The following CDH13 variants were observed in gnomAD, a reference collection of about 807,000 sequenced individuals.
The protein encoded by CDH13 is cadherin 13.
In CDH13, 24 loss-of-function variants were observed where a neutral mutation model predicts 63.8. The ratio of observed to expected loss-of-function variants is 0.38; its 90% confidence interval spans 0.27 to 0.53. CDH13 has a LOEUF of 0.53. Ranked by LOEUF, CDH13 falls within the 20% of genes least tolerant of loss-of-function variation. The pLI, the probability that CDH13 is intolerant of heterozygous loss-of-function variation, is 0.85. For missense variants in CDH13, 1,049 were observed against 903.1 expected (o/e 1.16, Z -2.07); for synonymous variants, 503 against 355.3 (o/e 1.42, Z -4.67).
chr16:83,553,965 A>G (rs1326344534), intron 7 of CDH13, among the ~76,000 whole-genome samples: 1 of 152,244 alleles, frequency 6.6e-6, no homozygotes, highest in Non-Finnish European at 1.5e-5. Flanking sequence ...ATAGGTATTT[A>G]TAAACGATTC....
chr16:82,802,625 ATTC>A (rs1274695180), intron 1 of CDH13, among the ~76,000 whole-genome samples: 1 of 152,142 alleles, frequency 6.6e-6, no homozygotes, highest in Non-Finnish European at 1.5e-5. Context: ...CCCTTTTCCT[ATTC>A]TTTGTCTCCA....
chr16:83,606,766 C>G (rs938307102), intron 8 of CDH13, among the ~76,000 whole-genome samples: 1 of 149,668 alleles, frequency 6.7e-6, no homozygotes, highest in African/African-American at 2.5e-5. Flanking sequence ...AGACCCAGGC[C>G]AGTTTGGTAA....
chr16:82,817,160 A>G (rs1054637383), intron 1 of CDH13, among the ~76,000 whole-genome samples: 4 of 151,138 alleles, frequency 2.6e-5, no homozygotes, highest in African/African-American at 7.3e-5. Flanking sequence ...ATTTCTCTTT[A>G]TCACTCTTCG....
At chr16:83,117,017 G>A (rs2035336542) in intron 3 of CDH13, among the ~76,000 whole-genome samples, 1 of 152,226 alleles carries the variant, frequency 6.6e-6, no homozygotes, top group South Asian at 2.1e-4. Context: ...TGAGCGCTGA[G>A]CTACAGTGAA....
chr16:83,070,222 C>G (rs997991846), intron 3 of CDH13, among the ~76,000 whole-genome samples: 3 of 152,076 alleles, frequency 2.0e-5, no homozygotes, highest in Admixed American at 2.0e-4. Context: ...AAAACTCACT[C>G]TTGGAAATAC....
At chr16:83,284,559 G>A (rs1022542914) in intron 5 of CDH13, among the ~76,000 whole-genome samples, 16 of 152,130 alleles carry the variant, frequency 1.1e-4, no homozygotes, top group Non-Finnish European at 2.4e-4. Flanking sequence ...AGTGGAAGGA[G>A]GGAGGAAACT....
intron 10 of CDH13, among the ~76,000 whole-genome samples, chr16:83,728,176 C>G (rs1910635217): frequency 6.6e-6 from 1 of 152,148 alleles, no homozygotes; most frequent in African/African-American, 2.4e-5. Context: ...GTCTCTGTCT[C>G]AGAGTCTATC....
chr16:82,964,805 C>G (rs989985531), intron 2 of CDH13, among the ~76,000 whole-genome samples: 1 of 152,204 alleles, frequency 6.6e-6, no homozygotes, highest in South Asian at 2.1e-4. Flanking sequence ...TTTACTGAAT[C>G]CAGTCCTGTC....
chr16:83,773,622 G>C (rs1201576741), intron 11 of CDH13, among the ~76,000 whole-genome samples: 1 of 152,170 alleles, frequency 6.6e-6, no homozygotes, highest in Non-Finnish European at 1.5e-5. Context: ...GATGAGATTT[G>C]GGTGGAGACA....
At chr16:82,994,404 C>G (rs886154031) in intron 2 of CDH13, among the ~76,000 whole-genome samples, 1 of 152,132 alleles carries the variant, frequency 6.6e-6, no homozygotes, top group Non-Finnish European at 1.5e-5. Flanking sequence ...GACCCCCTAC[C>G]TTTAGGGAGG....
At chr16:82,744,790 G>A (rs2034086918) in intron 1 of CDH13, among the ~76,000 whole-genome samples, 1 of 152,094 alleles carries the variant, frequency 6.6e-6, no homozygotes, top group Non-Finnish European at 1.5e-5. Context: ...TGTTTCTTGT[G>A]CTACATATGA....
intron 1 of CDH13, among the ~76,000 whole-genome samples, chr16:82,740,243 C>T (rs1597447947): frequency 6.6e-6 from 1 of 152,132 alleles, no homozygotes; most frequent in South Asian, 2.1e-4. Context: ...TGATTGATTT[C>T]TTATGTAAGA....
At chr16:82,651,405 CA>C (rs1910705625) in intron 1 of CDH13, among the ~76,000 whole-genome samples, 1 of 152,160 alleles carries the variant, frequency 6.6e-6, no homozygotes, top group Admixed American at 6.5e-5. Flanking sequence ...AGACATTTTG[CA>C]GTTAAGAAAA....
At chr16:82,750,402 A>T (rs78382672) in intron 1 of CDH13, among the ~76,000 whole-genome samples, 1 of 151,988 alleles carries the variant, frequency 6.6e-6, no homozygotes, top group South Asian at 2.1e-4. Flanking sequence ...TTATCTTGTG[A>T]TTTATCACCC....
intron 2 of CDH13, among the ~76,000 whole-genome samples, chr16:82,890,951 CG>C (rs2041059613): frequency 6.6e-6 from 1 of 151,728 alleles, no homozygotes; most frequent in South Asian, 2.1e-4. Context: ...TGTGCCTGGC[CG>C]GCAGCAATTC....
chr16:82,648,335 G>C (rs962897689), intron 1 of CDH13, among the ~76,000 whole-genome samples: 2 of 152,212 alleles, frequency 1.3e-5, no homozygotes, highest in African/African-American at 4.8e-5. Flanking sequence ...TTTATGCATT[G>C]TATGTGAAAT....
At chr16:82,686,066 G>A (rs1279265362) in intron 1 of CDH13, among the ~76,000 whole-genome samples, 4 of 152,290 alleles carry the variant, frequency 2.6e-5, no homozygotes, top group East Asian at 1.9e-4. Flanking sequence ...AAGTAGAAAT[G>A]ATAATCACCC....
At chr16:83,297,637 G>T (rs557183590) in intron 5 of CDH13, among the ~76,000 whole-genome samples, 39 of 152,262 alleles carry the variant, frequency 2.6e-4, no homozygotes, top group African/African-American at 8.4e-4. Context: ...GTTGGAAAGA[G>T]TCCTTGATAT....
chr16:83,436,373 G>T (rs1489983456), intron 6 of CDH13, among the ~76,000 whole-genome samples: 2 of 152,154 alleles, frequency 1.3e-5, no homozygotes, highest in African/African-American at 4.8e-5. Flanking sequence ...CTAGAGGCTG[G>T]AGAGGGAGGA....
Sources: gnomAD v4.1 joint callset for allele counts (sites outside exome capture counted in the v4.1 genomes callset) on GRCh38, gnomAD v4.1.1 for gene constraint, MANE v1.5 for transcripts, NCBI Gene and HGNC (gene_info 2026-07-23, HGNC 2026-07-21) for gene names.